Variants in TIAM1 observed in about 807,000 individuals in gnomAD.
TIAM1 encodes the protein rho guanine nucleotide exchange factor TIAM1.
A neutral mutation model predicts 163.5 loss-of-function variants in TIAM1; 65 were observed. The ratio of observed to expected loss-of-function variants is 0.40; its 90% CI spans 0.33 to 0.49. The LOEUF (loss-of-function observed/expected upper bound fraction) is 0.49. Among genes scored for constraint, TIAM1 ranks in the 20% least tolerant of loss-of-function variants. The pLI, the probability that TIAM1 is intolerant of heterozygous loss-of-function variation, is 0.77. For missense variants in TIAM1, 1,789 were observed against 2,044.7 expected (o/e 0.87, Z 2.41); for synonymous variants, 833 against 810.1 (o/e 1.03, Z -0.48).
At chr21:31,386,631 T>C (rs2076876814) in intron 2 of TIAM1, among the ~76,000 whole-genome samples, 1 of 152,100 alleles carries the variant, frequency 6.6e-6, no homozygotes, top group Non-Finnish European at 1.5e-5. Flanking sequence ...CCCTGCAAAC[T>C]GCAGGGCAAG....
intron 2 of TIAM1, among the ~76,000 whole-genome samples, chr21:31,438,250 G>A (rs1459480846): frequency 3.6e-5 from 5 of 138,840 alleles, no homozygotes; most frequent in East Asian, 2.1e-4. Flanking sequence ...GGAGTGCAGT[G>A]GCATGATCTG....
At chr21:31,246,079 T>C (rs1018110018) in intron 5 of TIAM1, among the ~76,000 whole-genome samples, 1 of 152,224 alleles carries the variant, frequency 6.6e-6, no homozygotes, top group African/African-American at 2.4e-5. Context: ...ATGTCTCGTA[T>C]GATATGCAAC....
At chr21:31,160,026 C>A (rs1019687014) in intron 16 of TIAM1, among the ~76,000 whole-genome samples, 1 of 152,134 alleles carries the variant, frequency 6.6e-6, no homozygotes, top group Non-Finnish European at 1.5e-5. Context: ...ATTTCCAGAC[C>A]TCCCTGCCGA....
intron 1 of TIAM1, among the ~76,000 whole-genome samples, chr21:31,488,466 G>A (rs1216167094): frequency 1.3e-5 from 2 of 152,180 alleles, no homozygotes; most frequent in African/African-American, 4.8e-5. Flanking sequence ...GGGGAAACGG[G>A]AGGTGTATTA....
intron 2 of TIAM1, among the ~76,000 whole-genome samples, chr21:31,351,136 C>T (rs1464519613): frequency 6.6e-6 from 1 of 152,146 alleles, no homozygotes; most frequent in Non-Finnish European, 1.5e-5. Context: ...TACGACAAAC[C>T]TGTATCTCAA....
At chr21:31,310,583 T>C (rs139166287) in intron 2 of TIAM1, among the ~76,000 whole-genome samples, 2 of 152,094 alleles carry the variant, frequency 1.3e-5, no homozygotes, top group East Asian at 3.9e-4. Context: ...CCCATGGAGG[T>C]TAAACTAATT....
At chr21:31,270,745 G>A (rs576089252) in intron 3 of TIAM1, among the ~76,000 whole-genome samples, 6 of 152,250 alleles carry the variant, frequency 3.9e-5, no homozygotes, top group African/African-American at 1.2e-4. Flanking sequence ...TGGCTCATCC[G>A]TTATCGTTAG....
chr21:31,126,359 G>C (rs963358986), intron 26 of TIAM1, among the ~76,000 whole-genome samples: 1 of 152,110 alleles, frequency 6.6e-6, no homozygotes, highest in African/African-American at 2.4e-5. Context: ...ACGATGTCAG[G>C]AGATCGAGAC....
At chr21:31,453,114 GT>G (rs2044934698) in intron 2 of TIAM1, 1 of 327,496 alleles carries the variant, frequency 3.1e-6, no homozygotes, top group South Asian at 3.3e-5. Flanking sequence ...AACCGAGACA[GT>G]GATGAGGATT....
chr21:31,175,726 G>A (rs2084730766), intron 15 of TIAM1, among the ~76,000 whole-genome samples: 1 of 151,894 alleles, frequency 6.6e-6, no homozygotes, highest in South Asian at 2.1e-4. Context: ...AGCCTCCCAA[G>A]CAGCTGGGAT....
chr21:31,453,815 G>GA (rs1174754587), intron 2 of TIAM1, among the ~76,000 whole-genome samples: 4 of 1,304 alleles, frequency 3.1e-3, no homozygotes, highest in Non-Finnish European at 3.9e-3. Context: ...AAAAGAGGGG[G>GA]GAAATAATTG....
At chr21:31,555,413 A>G (rs1020225745) in intron 1 of TIAM1, among the ~76,000 whole-genome samples, 1 of 152,196 alleles carries the variant, frequency 6.6e-6, no homozygotes, top group Non-Finnish European at 1.5e-5. Flanking sequence ...GTAAATATAC[A>G]TGTGTGTATA....
chr21:31,265,117 C>A (rs970878855), intron 4 of TIAM1, among the ~76,000 whole-genome samples: 1 of 152,072 alleles, frequency 6.6e-6, no homozygotes, highest in South Asian at 2.1e-4. Flanking sequence ...GCTCAACTGC[C>A]CAACATTTTA....
Position 31,120,718 on chromosome 21 carries a change from C to CG in TIAM1, c.4425dup (p.Gly1476ArgfsTer6), listed in dbSNP as rs757091901. 6.2e-7 allele frequency: 1 copy of CG among 1,614,004 alleles called. No individual in the cohort carries two copies. On this transcript the variant is annotated frameshift_variant, in exon 28 of 28. Transcript: ENST00000541036. LOFTEE classifies it high-confidence loss of function. The surrounding 1 kb of genome is among the most constrained non-coding windows in gnomAD (Gnocchi z 4.2). ...ACCCATCGGTCAGTGTCCCCACCAC[C>CG]GGGGGGCTGCTGGGACTCTTTCTCC...
chr21:31,196,068 CAA>C (rs1336414903), intron 12 of TIAM1, among the ~76,000 whole-genome samples: 1 of 151,954 alleles, frequency 6.6e-6, no homozygotes, highest in Non-Finnish European at 1.5e-5. Flanking sequence ...CTTAAATCAG[CAA>C]AAAGTGAATA....
intron 4 of TIAM1, among the ~76,000 whole-genome samples, chr21:31,260,307 G>A (rs779560626): frequency 2.7e-5 from 4 of 149,308 alleles, no homozygotes; most frequent in South Asian, 2.1e-4. Context: ...GTGCAATCTC[G>A]GCTCACTGCA....
At chr21:31,340,722 C>A (rs560932534) in intron 1 of TIAM1, among the ~76,000 whole-genome samples, 1 of 152,044 alleles carries the variant, frequency 6.6e-6, no homozygotes, top group Non-Finnish European at 1.5e-5. Context: ...TAGAAGCAAC[C>A]CACTAACTTA....
At chr21:31,416,764 G>C (rs1449938092) in intron 2 of TIAM1, among the ~76,000 whole-genome samples, 1 of 152,210 alleles carries the variant, frequency 6.6e-6, no homozygotes, top group African/African-American at 2.4e-5. Context: ...GTGATCACTT[G>C]CTCAGCGCTC....
intron 2 of TIAM1, among the ~76,000 whole-genome samples, chr21:31,317,502 G>C (rs998947078): frequency 6.6e-6 from 1 of 151,802 alleles, no homozygotes; most frequent in East Asian, 1.9e-4. Context: ...CTGCTTGGTC[G>C]GGCACGGCGG....
Sources: gnomAD v4.1 joint callset for allele counts (sites outside exome capture counted in the v4.1 genomes callset) on GRCh38, gnomAD v4.1.1 for gene constraint, Gnocchi (gnomAD v3.1) non-coding constraint, MANE v1.5 for transcripts, NCBI Gene and HGNC (gene_info 2026-07-23, HGNC 2026-07-21) for gene names.